The following RHOBTB2 variants were observed in gnomAD, a reference collection of about 807,000 sequenced individuals.
RHOBTB2 encodes rho-related BTB domain-containing protein 2.
A neutral mutation model predicts 66.5 loss-of-function variants in RHOBTB2; 39 were observed. That is an observed-to-expected ratio of 0.59 (90% CI 0.45 to 0.77). The LOEUF (loss-of-function observed/expected upper bound fraction) is 0.77. Ranked by LOEUF, RHOBTB2 falls within the 30% of genes least tolerant of loss-of-function variation. The pLI, the probability that RHOBTB2 is intolerant of heterozygous loss-of-function variation, is 0.00. For synonymous variants in RHOBTB2, 390 were observed against 395.0 expected (o/e 0.99, Z 0.15); for missense variants, 755 against 999.1 (o/e 0.76, Z 3.29).
chr8:22,993,072 C>T lies in RHOBTB2; in HGVS notation c.-24+892C>T, dbSNP rs1478962792. Among the ~76,000 whole-genome samples the T allele has an allele frequency of 2.0e-5, 3 of 152,238 alleles. 1 individual carries two copies. Among genetic ancestry groups the T allele is most frequent in the Non-Finnish European group, 1.5e-5 (1 of 68,040 alleles). On this transcript the variant is annotated intron_variant, in intron 2 of 11. Coordinates refer to the RHOBTB2 transcript ENST00000519685. Reference sequence around the variant, plus strand: ...CACTGTCAGAACTCTGACTGGTGCTCCCTGTTCTGGGCTTCATTTTTCTGG... The same window carrying T: ...CACTGTCAGAACTCTGACTGGTGCTTCCTGTTCTGGGCTTCATTTTTCTGG...
Position 23,006,423 on chromosome 8 carries a change from T to A in RHOBTB2, c.482+278T>A, listed in dbSNP as rs1810952262. On this transcript the variant is annotated intron_variant, in intron 4 of 9. Transcript: ENST00000251822. The surrounding 1 kb of genome is among the most constrained non-coding windows in gnomAD (Gnocchi z 6.1). Reference sequence around the variant, plus strand: ...CCTATAATTTTGCTGAGGGATAAACTAAATATGTGAGCATGTTAAATACCC... The same window carrying A: ...CCTATAATTTTGCTGAGGGATAAACAAAATATGTGAGCATGTTAAATACCC... 1 of 556,468 alleles carries A rather than the reference T, an allele frequency of 1.8e-6. No homozygotes were observed. Among genetic ancestry groups the A allele is most frequent in the Admixed American group, 3.2e-5 (1 of 31,180 alleles). 34.5% of individuals were successfully genotyped at this position (556,468 alleles called of 1,614,324 possible).
chr8:22,977,757 G>A, the RHOBTB2 span: 3 of 151,986 alleles, frequency 2.0e-5, no homozygotes, highest in Non-Finnish European at 4.4e-5. Flanking sequence ...GGACATATTG[G>A]GATATATGAT....
rs1463603593 is a variant in RHOBTB2 at position 23,006,297 on chromosome 8, A to C, written c.482+152A>C. ...AGTCAACAAGCATGCTCATTCATTC[A>C]TTCATTCATATACCTGTTGCACACC... On this transcript the variant is annotated intron_variant, in intron 4 of 9. Transcript: ENST00000251822. This position sits in a 1 kb window ranked among gnomAD's most constrained non-coding sequence, Gnocchi z 6.1. 1 of 658,130 alleles carries C rather than the reference A, an allele frequency of 1.5e-6. No individual in the cohort carries two copies. The highest frequency in any genetic ancestry group is 2.6e-6 in the Non-Finnish European group (1 of 380,746). The allele number at this position is 658,130 out of a possible 1,614,324, so 40.8% of individuals were successfully genotyped here. A position where few individuals can be genotyped will look rare whatever the true frequency, so the allele number is the denominator to read the frequency against.
At chr8:23,005,834 A>T in intron 3 of RHOBTB2, 126 bp from the exon 4 acceptor site, 1 of 821,982 alleles carries the variant, frequency 1.2e-6, no homozygotes, top group Non-Finnish European at 2.0e-6. Context: ...GTTTTGTGTC[A>T]AGAGCACGTG....
At chr8:23,008,454 G>A (rs529219520) in intron 6 of RHOBTB2, among the ~76,000 whole-genome samples, 6 of 152,288 alleles carry the variant, frequency 3.9e-5, no homozygotes, top group African/African-American at 1.4e-4. Context: ...AGTAGAGTTA[G>A]GACTTGAACT....
chr8:22,961,661 A>G, the RHOBTB2 span, among the ~76,000 whole-genome samples: 1 of 152,152 alleles, frequency 6.6e-6, no homozygotes, highest in Non-Finnish European at 1.5e-5. Flanking sequence ...GGGAAAAATG[A>G]ACACACAAGG....
upstream of RHOBTB2, among the ~76,000 whole-genome samples, chr8:22,986,462 T>C (rs141992036): frequency 0.031 from 4,717 of 151,912 alleles, 119 homozygotes; most frequent in Non-Finnish European, 0.044. Flanking sequence ...TTTTGCTGTG[T>C]TGCCCAGGCT....
rs1373577627 is a variant in RHOBTB2, at chr8:23,015,756, G to A, written c.1966+13G>A. On this transcript the variant is annotated intron_variant, in intron 9 of 9. Coordinates refer to ENST00000251822, the MANE Select transcript of RHOBTB2 (RefSeq NM_015178.3). ...GCCATGTCCCCAGGTGAGCATCGGG[G>A]CCAGTCCTGGCAGTACCTGCTGCCC... 1 of 1,573,422 alleles carries A rather than the reference G, an allele frequency of 6.4e-7. No individual in the cohort carries two copies. Among genetic ancestry groups the A allele is most frequent in the Non-Finnish European group, 8.7e-7 (1 of 1,144,264 alleles).
chr8:22,994,922 C>T (rs937937169), upstream of RHOBTB2, among the ~76,000 whole-genome samples: 5 of 152,124 alleles, frequency 3.3e-5, no homozygotes, highest in African/African-American at 9.7e-5. Flanking sequence ...CATGCCACCA[C>T]GCCCAGCTAA....
At chr8:22,974,919 G>C in the RHOBTB2 span, among the ~76,000 whole-genome samples, 3 of 152,090 alleles carry the variant, frequency 2.0e-5, no homozygotes, top group African/African-American at 7.2e-5. Context: ...CCCACTAAGC[G>C]CCCCAATTGT....
At chr8:22,951,813 G>A in the RHOBTB2 span, among the ~76,000 whole-genome samples, 1 of 152,186 alleles carries the variant, frequency 6.6e-6, no homozygotes, top group African/African-American at 2.4e-5. Flanking sequence ...CAGGGGATAT[G>A]ATGTCTTAGC....
chr8:22,999,559 C>G lies in RHOBTB2; in HGVS notation c.-557C>G. The G allele has an allele frequency of 8.4e-7, 1 of 1,197,058 alleles. No individual in the cohort carries two copies. The highest frequency in any genetic ancestry group is 1.1e-6 in the Non-Finnish European group (1 of 949,520). The allele number at this position is 1,197,058 out of a possible 1,614,324, so 74.2% of individuals were successfully genotyped here. On this transcript the variant is annotated 5_prime_UTR_variant, in exon 1 of 10. Coordinates refer to ENST00000251822, the MANE Select transcript of RHOBTB2 (RefSeq NM_015178.3). ...GCGCGGCAGTGGGCGGGGCCCGTCA[C>G]GGCTGTCGTCTTGGGTGCGATTTTT...
upstream of RHOBTB2, among the ~76,000 whole-genome samples, chr8:22,997,219 T>TG (rs1210605818): frequency 2.7e-5 from 4 of 150,082 alleles, no homozygotes; most frequent in African/African-American, 7.3e-5. Context: ...GAGGATGGGC[T>TG]GGGGGGCACT....
intron 3 of RHOBTB2, 140 bp from the exon 4 acceptor site, chr8:23,005,818 TTA>T (rs1810930694): frequency 4.0e-6 from 3 of 746,944 alleles, no homozygotes; most frequent in Non-Finnish European, 2.3e-6. Context: ...GGTATTGTGA[TTA>T]TATGTTTTGT....
the RHOBTB2 span, among the ~76,000 whole-genome samples, chr8:22,961,108 C>A: frequency 6.6e-6 from 1 of 152,080 alleles, no homozygotes; most frequent in African/African-American, 2.4e-5. Context: ...CCCTATATTG[C>A]CCAGGCTAGT....
chr8:23,004,260 C>T lies in RHOBTB2; in HGVS notation c.-10-165C>T, dbSNP rs1810877232. 1 of 650,414 alleles carries T rather than the reference C, an allele frequency of 1.5e-6. No homozygotes were observed. The highest frequency in any genetic ancestry group is 2.7e-5 in the East Asian group (1 of 36,514). The allele number at this position is 650,414 out of a possible 1,614,324, so 40.3% of individuals were successfully genotyped here. A position where few individuals can be genotyped will look rare whatever the true frequency, so the allele number is the denominator to read the frequency against. On this transcript the variant is annotated intron_variant, in intron 1 of 9. Coordinates refer to ENST00000251822, the MANE Select transcript of RHOBTB2 (RefSeq NM_015178.3). This position sits in a 1 kb window ranked among gnomAD's most constrained non-coding sequence, Gnocchi z 6.4. ...TGAATGGGCTCCTGGCCCCTTGGACCCTCGCAGAGCTCTTGCCCAGAACGT... is the reference window on the plus strand; with the variant it reads ...TGAATGGGCTCCTGGCCCCTTGGACTCTCGCAGAGCTCTTGCCCAGAACGT...
the RHOBTB2 span, among the ~76,000 whole-genome samples, chr8:22,973,139 G>C: frequency 6.6e-6 from 1 of 152,268 alleles, no homozygotes; most frequent in East Asian, 1.9e-4. Flanking sequence ...TGCCCCTCTA[G>C]GGGCTCTGAC....
chr8:22,984,529 G>A (rs1051510235), upstream of RHOBTB2: 7 of 152,220 alleles, frequency 4.6e-5, no homozygotes, highest in African/African-American at 7.2e-5. Context: ...TATTCACAAC[G>A]TGCAAGTGGA....
chr8:22,997,373 G>T (rs1040220388), upstream of RHOBTB2, among the ~76,000 whole-genome samples: 1 of 152,188 alleles, frequency 6.6e-6, no homozygotes, highest in Non-Finnish European at 1.5e-5. Flanking sequence ...CATGCAAAAA[G>T]CAGGGCTGGG....
Sources: gnomAD v4.1 joint callset for allele counts (sites outside exome capture counted in the v4.1 genomes callset) on GRCh38, gnomAD v4.1.1 for gene constraint, Gnocchi (gnomAD v3.1) non-coding constraint, MANE v1.5 for transcripts, NCBI Gene and HGNC (gene_info 2026-07-23, HGNC 2026-07-21) for gene names.